Variants in ZYG11B observed in about 807,000 individuals in gnomAD.
The protein encoded by ZYG11B is zyg-11 family member B, cell cycle regulator.
In ZYG11B, 36 loss-of-function variants were observed where a neutral mutation model predicts 82.4. The observed-to-expected ratio is 0.44, with a 90% confidence interval of 0.33 to 0.58. The LOEUF (loss-of-function observed/expected upper bound fraction) is 0.58. Ranked by LOEUF, ZYG11B falls within the 20% of genes least tolerant of loss-of-function variation. The probability of loss-of-function intolerance (pLI) is 0.02; values close to 1 mark genes in which losing one functional copy is unlikely to be tolerated. For synonymous variants in ZYG11B, 303 were observed against 312.8 expected, an observed-to-expected ratio of 0.97 and a Z score of 0.33; for missense variants, 552 against 895.6, an observed-to-expected ratio of 0.62 and a Z score of 4.90.
At chr1:52,760,080 G>A (rs545711785) in intron 2 of ZYG11B, among the ~76,000 whole-genome samples, 54 of 152,106 alleles carry the variant, frequency 3.6e-4, no homozygotes, top group African/African-American at 1.3e-3. Context: ...GTGATCTACC[G>A]CCTAGGCCTT....
intron 1 of ZYG11B, among the ~76,000 whole-genome samples, chr1:52,748,784 C>T (rs543709544): frequency 1.3e-5 from 2 of 150,730 alleles, no homozygotes; most frequent in Non-Finnish European, 3.0e-5. Flanking sequence ...ATCACTTGAA[C>T]TGGGAGGTGG....
intron 1 of ZYG11B, among the ~76,000 whole-genome samples, chr1:52,743,261 C>T (rs1268940194): frequency 5.3e-5 from 8 of 151,702 alleles, no homozygotes; most frequent in Non-Finnish European, 1.0e-4. Context: ...ACAAACACTG[C>T]GGAAGGCCGC....
intron 6 of ZYG11B, among the ~76,000 whole-genome samples, chr1:52,794,868 G>C (rs746822380): frequency 2.0e-5 from 3 of 152,050 alleles, no homozygotes; most frequent in Non-Finnish European, 4.4e-5. Flanking sequence ...CTATCACGTG[G>C]AGTAGACTAA....
At chr1:52,750,985 A>G (rs1213551366) in intron 1 of ZYG11B, among the ~76,000 whole-genome samples, 1 of 152,038 alleles carries the variant, frequency 6.6e-6, no homozygotes, top group Non-Finnish European at 1.5e-5. Context: ...GGGCTGTACT[A>G]TATTTTGTTT....
At chr1:52,747,264 A>G (rs1005013011) in intron 1 of ZYG11B, among the ~76,000 whole-genome samples, 18 of 151,526 alleles carry the variant, frequency 1.2e-4, no homozygotes, top group African/African-American at 4.1e-4. Flanking sequence ...ATTCTTTACT[A>G]CATTTCATCA....
Position 52,726,508 on chromosome 1 carries a change from C to G in ZYG11B, c.-146C>G, listed in dbSNP as rs906313904. On this transcript the variant is annotated 5_prime_UTR_variant, in exon 1 of 14. Transcript: ENST00000294353. The stretch of plus-strand genomic sequence containing the variant: ...GCGGCTGCGGCTGCGGCTGCTACTG[C>G]TACGCTCCTAGCTTGAGGGAAAGAG... The G allele has an allele frequency of 4.2e-6, 3 of 713,372 alleles. No individual in the cohort carries two copies. The highest frequency in any genetic ancestry group is 5.9e-6 in the Non-Finnish European group (3 of 507,836). The allele number at this position is 713,372 out of a possible 1,614,324, so 44.2% of individuals were successfully genotyped here.
chr1:52,745,795 C>T (rs1016032175), intron 1 of ZYG11B, among the ~76,000 whole-genome samples: 1 of 151,524 alleles, frequency 6.6e-6, no homozygotes, highest in Admixed American at 6.6e-5. Context: ...AACTCCCGAC[C>T]TCAAGCAATC....
rs933091771 is a variant in ZYG11B at position 52,739,034 on chromosome 1, C to T, written c.30+12351C>T. Among the ~76,000 whole-genome samples the T allele has an allele frequency of 2.8e-5, 4 of 141,422 alleles. No individual in the cohort carries two copies. The East Asian group carries it at 6.8e-4, about 24-fold the overall frequency. 92.8% of individuals were successfully genotyped at this position (141,422 alleles called of 152,430 possible). On this transcript the variant is annotated intron_variant, in intron 1 of 13. Transcript: ENST00000294353. ...TCTCACTGTATCACCCAGGCTGGAG[C>T]GCAGTGACACGATCTTGGCTCACTG... is the stretch of plus-strand genomic sequence containing the variant.
rs554279293 is a variant in ZYG11B at position 52,807,598 on chromosome 1, T to C, written c.1695+5459T>C. ...CCTCGACCTCCTGGGCTAAAGCAAT[T>C]CCCCAACCTCAACTTCCTGAGTAGT... On this transcript the variant is annotated intron_variant, in intron 10 of 13. Transcript: ENST00000294353. Among the ~76,000 whole-genome samples, 6 of 150,738 alleles carry C rather than the reference T, an allele frequency of 4.0e-5. No individual in the cohort carries two copies. In the South Asian group the frequency reaches 1.3e-3, roughly 32 times the overall value.
At chr1:52,806,462 TTC>T (rs1444169449) in intron 10 of ZYG11B, among the ~76,000 whole-genome samples, 3 of 152,212 alleles carry the variant, frequency 2.0e-5, no homozygotes, top group African/African-American at 7.2e-5. Context: ...CTCCTTACAG[TTC>T]TATCAGCTTT....
intron 1 of ZYG11B, among the ~76,000 whole-genome samples, chr1:52,746,825 C>T (rs931907699): frequency 6.9e-6 from 1 of 145,222 alleles, no homozygotes; most frequent in Non-Finnish European, 1.5e-5. Flanking sequence ...TTCATTATCT[C>T]TTCTGACCAT....
At chr1:52,785,159 G>A in intron 5 of ZYG11B, 106 bp downstream of exon 5, 1 of 1,241,076 alleles carries the variant, frequency 8.1e-7, no homozygotes, top group Middle Eastern at 2.5e-4. Context: ...TGCCTTTGGA[G>A]GCTGTGGTAT....
At chr1:52,774,173 C>G (rs1644783606) in intron 3 of ZYG11B, among the ~76,000 whole-genome samples, 1 of 151,664 alleles carries the variant, frequency 6.6e-6, no homozygotes, top group Non-Finnish European at 1.5e-5. Context: ...AGGGTCTTGC[C>G]CTGTTACCCA....
At chr1:52,754,238 T>A (rs2149928435) in intron 1 of ZYG11B, 1 of 152,396 alleles carries the variant, frequency 6.6e-6, no homozygotes, top group South Asian at 2.1e-4. Context: ...TTGGCCAGGC[T>A]GGTCTTGAAC....
chr1:52,803,241 C>CACACATATATATAT (rs1645106860), intron 10 of ZYG11B, among the ~76,000 whole-genome samples: 1 of 41,018 alleles, frequency 2.4e-5, no homozygotes. Context: ...TATATATATA[C>CACACATATATATAT]ACACACACAT....
At chr1:52,767,032 ATTTATTTTATGTTAT>A (rs1355430963) in intron 2 of ZYG11B, among the ~76,000 whole-genome samples, 21 of 150,232 alleles carry the variant, frequency 1.4e-4, no homozygotes, top group East Asian at 3.9e-4. Context: ...ATTTTATTTT[ATTTATTTTATGTTAT>A]TTTATTTTAT....
At chr1:52,789,060 C>T (rs1030077288) in intron 5 of ZYG11B, among the ~76,000 whole-genome samples, 1 of 152,142 alleles carries the variant, frequency 6.6e-6, no homozygotes. Context: ...TATAAAACTT[C>T]CTGAGAAACC....
rs117999485 is a variant in ZYG11B, at chr1:52,775,803, C to T, written c.951+4029C>T. Among the ~76,000 whole-genome samples the T allele has an allele frequency of 8.6e-3, 1,305 of 151,600 alleles. 84 individuals are homozygous for T. In the East Asian group the frequency reaches 0.18, roughly 20 times the overall value. On this transcript the variant is annotated intron_variant, in intron 3 of 13. Coordinates refer to ENST00000294353, the MANE Select transcript of ZYG11B (RefSeq NM_024646.3). ...TTAAAAATAGCTTTAGTCGGCCAGG[C>T]GTGGTGGCTCACGCCTGTAATCCCA... is the stretch of plus-strand genomic sequence containing the variant.
Position 52,801,834 on chromosome 1 carries a change from G to A in ZYG11B, c.1501G>A (p.Val501Met). ...TTTTTTTCAGCAACTTCTTCAAATA[G>A]TGAAGCAGAAAACCAATCAAAATTC... is the stretch of plus-strand genomic sequence containing the variant. Reference protein sequence around the residue: ...LFIVRQLLQIVKQKTNQNSVD... With the variant: ...LFIVRQLLQIMKQKTNQNSVD... The change falls in exon 9 of 14, where the codon GTG becomes ATG. Residue 501 changes from valine (V) to methionine (M), a missense_variant. Transcript: ENST00000294353. The A allele has an allele frequency of 1.3e-6, 2 of 1,579,214 alleles. No individual in the cohort carries two copies. The highest frequency in any genetic ancestry group is 1.7e-6 in the Non-Finnish European group (2 of 1,167,226).
Sources: allele counts gnomAD v4.1 joint callset (sites outside exome capture counted in the v4.1 genomes callset), GRCh38; gene constraint gnomAD v4.1.1; transcripts MANE v1.5; gene names NCBI Gene and HGNC (gene_info 2026-07-23, HGNC 2026-07-21).